ATP2B4: variants seen among roughly 807,000 people sequenced by gnomAD.
The protein encoded by ATP2B4 is plasma membrane calcium-transporting ATPase 4.
A neutral mutation model predicts 110.3 loss-of-function variants in ATP2B4; 39 were observed. The ratio of observed to expected loss-of-function variants is 0.35; its 90% confidence interval spans 0.27 to 0.46. ATP2B4 has a LOEUF of 0.46. ATP2B4 is among the 20% of genes least tolerant of loss of function. ATP2B4 has a pLI of 1.00. For missense variants in ATP2B4, 1,135 were observed against 1,530.9 expected, an observed-to-expected ratio of 0.74 and a Z score of 4.32; for synonymous variants, 538 against 571.7, an observed-to-expected ratio of 0.94 and a Z score of 0.84.
chr1:203,674,797 C>T (rs1426823864), intron 1 of ATP2B4, among the ~76,000 whole-genome samples: 2 of 152,004 alleles, frequency 1.3e-5, no homozygotes, highest in African/African-American at 4.8e-5. Context: ...GCTGGGACTA[C>T]AGGCACGTGC....
chr1:203,679,517 G>T (rs551853083), intron 1 of ATP2B4, among the ~76,000 whole-genome samples: 1 of 152,052 alleles, frequency 6.6e-6, no homozygotes, highest in Non-Finnish European at 1.5e-5. Context: ...AATCTTATGC[G>T]ACCTTTTCCA....
chr1:203,695,905 C>G (rs752969443), intron 2 of ATP2B4, among the ~76,000 whole-genome samples: 1 of 152,130 alleles, frequency 6.6e-6, no homozygotes, highest in Non-Finnish European at 1.5e-5. Context: ...TAACCCAAAT[C>G]TCTCCTTTTG....
chr1:203,666,929 G>T (rs1054137136), intron 1 of ATP2B4, among the ~76,000 whole-genome samples: 2 of 152,130 alleles, frequency 1.3e-5, no homozygotes, highest in African/African-American at 4.8e-5. Flanking sequence ...TCACAATTGT[G>T]AGCTCTCTAG....
At chr1:203,703,376 C>T (rs546347579) in intron 7 of ATP2B4, among the ~76,000 whole-genome samples, 1 of 152,264 alleles carries the variant, frequency 6.6e-6, no homozygotes, top group African/African-American at 2.4e-5. Context: ...GCTTGGGACT[C>T]TGAGGTAGTA....
intron 1 of ATP2B4, among the ~76,000 whole-genome samples, chr1:203,656,395 T>C (rs1431238483): frequency 2.0e-5 from 3 of 152,124 alleles, no homozygotes; most frequent in Non-Finnish European, 4.4e-5. Context: ...CAGTGCCAAG[T>C]AGGTATTATT....
rs530883316 is a variant in ATP2B4, at chr1:203,700,323, T to G, written c.767T>G (p.Leu256Trp). The G allele has an allele frequency of 6.2e-7, 1 of 1,612,930 alleles. No individual in the cohort carries two copies. Among genetic ancestry groups the G allele is most frequent in the South Asian group, 1.1e-5 (1 of 90,972 alleles). ...AAGTCCCTGGACAAAGACCCCATGT[T>G]GCTCTCAGGTATAGGCCCTGGCTGC... ...VKKSLDKDPM[L>W]LSGTHVMEGS... The change falls in exon 5 of 21, where the codon TTG (leucine) becomes TGG (tryptophan). Residue 256 changes from leucine (L) to tryptophan (W), a missense_variant. Physicochemically the swap from Leu to Trp is moderately conservative, Grantham distance 61 (BLOSUM62 -2). Transcript: ENST00000357681.
intron 2 of ATP2B4, among the ~76,000 whole-genome samples, chr1:203,686,695 T>A (rs1446059720): frequency 7.5e-6 from 1 of 132,588 alleles, no homozygotes; most frequent in Admixed American, 7.8e-5. Context: ...CTTTTTTTTT[T>A]TTTTTTTTTT....
chr1:203,691,987 T>A (rs1665391665), intron 2 of ATP2B4, among the ~76,000 whole-genome samples: 1 of 151,948 alleles, frequency 6.6e-6, no homozygotes, highest in Non-Finnish European at 1.5e-5. Flanking sequence ...GTTCACACCA[T>A]TCTCCTGCCT....
In ATP2B4 at chr1:203,700,830, G is replaced by A; in HGVS notation, c.808G>A (p.Val270Met). Reference sequence around the variant, plus strand: ...TGTCATGGAAGGTTCTGGCCGGATGGTGGTGACAGCTGTTGGTGTCAACTC... The same window carrying A: ...TGTCATGGAAGGTTCTGGCCGGATGATGGTGACAGCTGTTGGTGTCAACTC... ...THVMEGSGRM[V>M]VTAVGVNSQT... The change falls in exon 6 of 21, where the codon GTG becomes ATG. Residue 270 changes from valine (V) to methionine (M), a missense_variant. Transcript: ENST00000357681. 7 of 1,612,912 alleles carry A rather than the reference G, an allele frequency of 4.3e-6. No individual in the cohort carries two copies. The highest frequency in any genetic ancestry group is 5.9e-6 in the Non-Finnish European group (7 of 1,179,514).
rs760762900 is a variant in ATP2B4 at position 203,739,566 on chromosome 1, C to T, written c.3330C>T (p.Phe1110=). The T allele has an allele frequency of 6.2e-7, 1 of 1,613,974 alleles. No homozygotes were observed. The highest frequency in any genetic ancestry group is 1.1e-5 in the South Asian group (1 of 91,054). ...IQTQIKVVKA[F]HSSLHESIQK... is the part of the protein sequence containing the mutation. Reference sequence around the variant, plus strand: ...TATAGATCAAAGTGGTCAAAGCGTTCCATAGTTCCCTCCACGAAAGCATTC... The same window carrying T: ...TATAGATCAAAGTGGTCAAAGCGTTTCATAGTTCCCTCCACGAAAGCATTC... The change falls in exon 21 of 21, where the codon TTC becomes TTT. Residue 1110 remains phenylalanine, a synonymous_variant. Coordinates refer to ENST00000357681, the MANE Select transcript of ATP2B4 (RefSeq NM_001684.5).
intron 20 of ATP2B4, chr1:203,728,400 A>G (rs1666586118): frequency 3.7e-6 from 1 of 270,940 alleles, no homozygotes; most frequent in Non-Finnish European, 7.4e-6. Context: ...CACCCCCCAT[A>G]GCTTTATTGT....
intron 2 of ATP2B4, among the ~76,000 whole-genome samples, chr1:203,694,578 G>A (rs1571731076): frequency 6.6e-6 from 1 of 152,178 alleles, no homozygotes; most frequent in African/African-American, 2.4e-5. Context: ...AGATCTCAGT[G>A]AACATGGAGA....
Position 203,631,651 on chromosome 1 carries a change from G to A in ATP2B4, c.-465+4432G>A, listed in dbSNP as rs563557234. Among the ~76,000 whole-genome samples the A allele has an allele frequency of 7.2e-4, 110 of 152,172 alleles. 1 individual carries two copies. Among genetic ancestry groups the A allele is most frequent in the Non-Finnish European group, 1.5e-5 (1 of 67,968 alleles). ...GCGCTGGGAGTCCCAGGGGTAAGAC[G>A]GGCTGTTAGTATTGAGCCCGGGAAG... is the stretch of plus-strand genomic sequence containing the variant. On this transcript the variant is annotated intron_variant, in intron 1 of 20. Coordinates refer to ENST00000357681, the MANE Select transcript of ATP2B4 (RefSeq NM_001684.5).
At chr1:203,669,878 C>T (rs777669696) in intron 1 of ATP2B4, among the ~76,000 whole-genome samples, 1 of 152,210 alleles carries the variant, frequency 6.6e-6, no homozygotes, top group Non-Finnish European at 1.5e-5. Flanking sequence ...GATGACACAA[C>T]CTTTCTGCTC....
intron 20 of ATP2B4, among the ~76,000 whole-genome samples, chr1:203,732,665 T>C (rs1666764294): frequency 6.6e-6 from 1 of 152,140 alleles, no homozygotes; most frequent in Non-Finnish European, 1.5e-5. Flanking sequence ...AGCCTTCAAA[T>C]TCAGTAATAC....
In ATP2B4 at chr1:203,707,125, T is replaced by C. The variant is rs763666125; in HGVS notation, c.1216T>C (p.Phe406Leu). 5 of 1,614,212 alleles carry C rather than the reference T, an allele frequency of 3.1e-6. No homozygotes were observed. The highest frequency in any genetic ancestry group is 4.2e-6 in the Non-Finnish European group (5 of 1,180,036). ...PECTPIYIQYFVKFFIIGITV... is the reference protein window; with the variant it reads ...PECTPIYIQYLVKFFIIGITV... ...GTGTACTCCCATCTACATCCAGTACTTTGTCAAGTTCTTCATCATCGGCAT... is the reference window on the plus strand; with the variant it reads ...GTGTACTCCCATCTACATCCAGTACCTTGTCAAGTTCTTCATCATCGGCAT... The change falls in exon 9 of 21, where the codon TTT becomes CTT. Residue 406 changes from phenylalanine (F) to leucine (L), a missense_variant. By Grantham distance (22) the Phe-to-Leu change is conservative (BLOSUM62 0). Coordinates refer to ENST00000357681, the MANE Select transcript of ATP2B4 (RefSeq NM_001684.5).
Position 203,724,058 on chromosome 1 carries a change from A to T in ATP2B4, c.3132+70A>T, listed in dbSNP as rs1439871483. On this transcript the variant is annotated intron_variant, in intron 19 of 20. Transcript: ENST00000357681. ...AACTCCCCTCCTCTACATGAGATGG[A>T]ACAAGCAACGGTGGAGACCCCCCAG... The T allele has an allele frequency of 2.2e-6, 3 of 1,344,870 alleles. No homozygotes were observed. In the African/African-American group the frequency reaches 4.4e-5, roughly 20 times the overall value. The allele number at this position is 1,344,870 out of a possible 1,614,324, so 83.3% of individuals were successfully genotyped here.
chr1:203,647,056 G>T, intron 1 of ATP2B4, among the ~76,000 whole-genome samples: 1 of 151,196 alleles, frequency 6.6e-6, no homozygotes, highest in East Asian at 1.9e-4. Context: ...ATAAAGAATT[G>T]GTCACAAGTC....
intron 15 of ATP2B4, 71 bp downstream of exon 15, chr1:203,714,348 T>G: frequency 6.5e-7 from 1 of 1,545,578 alleles, no homozygotes; most frequent in Non-Finnish European, 8.9e-7. Flanking sequence ...CGGCTTCTGG[T>G]TGCCTGCTGC....
Sources: gnomAD v4.1 joint callset for allele counts (sites outside exome capture counted in the v4.1 genomes callset) on GRCh38, gnomAD v4.1.1 for gene constraint, MANE v1.5 for transcripts, NCBI Gene and HGNC (gene_info 2026-07-23, HGNC 2026-07-21) for gene names.